Variants in ZFYVE9 observed in about 807,000 individuals in gnomAD.
ZFYVE9 encodes zinc finger FYVE domain-containing protein 9.
ZFYVE9 carries 43 observed loss-of-function variants against 126.7 expected under a neutral mutation model. The observed-to-expected ratio is 0.34, with a 90% confidence interval of 0.27 to 0.44. The LOEUF (loss-of-function observed/expected upper bound fraction) is 0.44, where lower values mean the gene tolerates loss of function less well. Among genes scored for constraint, ZFYVE9 ranks in the 20% least tolerant of loss-of-function variants. ZFYVE9 has a pLI of 1.00. For missense variants in ZFYVE9, 1,476 were observed against 1,697.0 expected, an observed-to-expected ratio of 0.87 and a Z score of 2.29; for synonymous variants, 521 against 597.4, an observed-to-expected ratio of 0.87 and a Z score of 1.87.
chr1:52,216,061 T>A (rs556812183), intron 1 of ZFYVE9, among the ~76,000 whole-genome samples: 29 of 152,256 alleles, frequency 1.9e-4, no homozygotes, highest in Admixed American at 1.1e-3. Context: ...TATATACTTA[T>A]GAATTAACAC....
At chr1:52,287,800 G>A (rs1645877268) in intron 10 of ZFYVE9, among the ~76,000 whole-genome samples, 1 of 151,962 alleles carries the variant, frequency 6.6e-6, no homozygotes, top group Non-Finnish European at 1.5e-5. Context: ...AGGAGTTTTT[G>A]AGGCCGTAGT....
At chr1:52,317,421 G>A (rs920638827) in intron 13 of ZFYVE9, among the ~76,000 whole-genome samples, 5 of 151,818 alleles carry the variant, frequency 3.3e-5, no homozygotes, top group Non-Finnish European at 5.9e-5. Flanking sequence ...GGTGGAGGTT[G>A]CGGTAACTCG....
chr1:52,214,230 C>T (rs1216184262), intron 1 of ZFYVE9, among the ~76,000 whole-genome samples: 1 of 152,048 alleles, frequency 6.6e-6, no homozygotes, highest in Admixed American at 6.6e-5. Context: ...AGTTTGAGAC[C>T]AGCCTGGGTA....
intron 4 of ZFYVE9, among the ~76,000 whole-genome samples, chr1:52,257,760 G>T (rs1453127940): frequency 1.3e-5 from 2 of 152,154 alleles, no homozygotes; most frequent in Non-Finnish European, 2.9e-5. Context: ...TTGAGACGGG[G>T]TTTCGCTCTT....
chr1:52,243,396 A>G (rs1362115212), intron 4 of ZFYVE9, among the ~76,000 whole-genome samples: 1 of 152,244 alleles, frequency 6.6e-6, no homozygotes, highest in Non-Finnish European at 1.5e-5. Flanking sequence ...TGACACATCA[A>G]GGTTGACACA....
intron 2 of ZFYVE9, among the ~76,000 whole-genome samples, chr1:52,218,945 A>T (rs1645097685): frequency 6.6e-6 from 1 of 152,130 alleles, no homozygotes; most frequent in African/African-American, 2.4e-5. Flanking sequence ...GGATAGGAAT[A>T]GAGAGAAGTA....
intron 1 of ZFYVE9, among the ~76,000 whole-genome samples, chr1:52,183,786 G>A (rs1399155623): frequency 6.6e-6 from 1 of 152,074 alleles, no homozygotes. Flanking sequence ...GATTACTGGC[G>A]TGAGCCACCG....
intron 13 of ZFYVE9, among the ~76,000 whole-genome samples, chr1:52,325,477 G>A (rs1000682487): frequency 4.6e-5 from 7 of 152,118 alleles, no homozygotes; most frequent in Non-Finnish European, 1.5e-5. Context: ...CAGTGATCAT[G>A]CCACTGCACC....
chr1:52,188,112 G>A (rs532987820), intron 1 of ZFYVE9, among the ~76,000 whole-genome samples: 1 of 152,228 alleles, frequency 6.6e-6, no homozygotes, highest in Non-Finnish European at 1.5e-5. Context: ...TAAAGGAAAT[G>A]AGGTACATAT....
chr1:52,207,865 T>G (rs960733965), intron 1 of ZFYVE9, among the ~76,000 whole-genome samples: 8 of 152,252 alleles, frequency 5.3e-5, no homozygotes, highest in Non-Finnish European at 7.3e-5. Context: ...TAATAATAGC[T>G]ATCATTTATT....
At chr1:52,253,552 G>A in intron 4 of ZFYVE9, 1 of 747,882 alleles carries the variant, frequency 1.3e-6, no homozygotes, top group South Asian at 1.6e-5. Context: ...GAAGCCGAGT[G>A]GGAGTGGCAC....
In ZFYVE9 at chr1:52,168,693, T is replaced by C. The variant is rs186427767; in HGVS notation, c.-143+26290T>C. ...ACCATGCCTGGCTAATTTTTTACTA[T>C]TTTGTAGAGACAAGGTCTTCCTATG... On this transcript the variant is annotated intron_variant, in intron 1 of 18. Transcript: ENST00000287727. Among the ~76,000 whole-genome samples, 186 of 152,042 alleles carry C rather than the reference T, an allele frequency of 1.2e-3. No homozygotes were observed. In the South Asian group the frequency reaches 0.015, roughly 12 times the overall value.
intron 13 of ZFYVE9, among the ~76,000 whole-genome samples, chr1:52,313,602 A>C (rs1278381925): frequency 6.6e-6 from 1 of 152,248 alleles, no homozygotes; most frequent in Non-Finnish European, 1.5e-5. Context: ...CAGGGCCAGG[A>C]ATAGTTTGTA....
chr1:52,343,992 A>T, intron 17 of ZFYVE9, among the ~76,000 whole-genome samples: 1 of 151,894 alleles, frequency 6.6e-6, no homozygotes, highest in Non-Finnish European at 1.5e-5. Flanking sequence ...GAATCACTTG[A>T]ACCTAAGAGG....
intron 1 of ZFYVE9, among the ~76,000 whole-genome samples, chr1:52,147,264 A>G (rs1024990604): frequency 9.2e-5 from 14 of 152,206 alleles, no homozygotes; most frequent in African/African-American, 3.4e-4. Flanking sequence ...ATTATGGTAA[A>G]TAGCCCATTT....
intron 13 of ZFYVE9, among the ~76,000 whole-genome samples, chr1:52,306,482 C>T: frequency 6.6e-6 from 1 of 152,242 alleles, no homozygotes; most frequent in East Asian, 1.9e-4. Context: ...TTTGCTCACC[C>T]TCCACTTGTC....
At chr1:52,294,759 A>G (rs530662786) in intron 11 of ZFYVE9, among the ~76,000 whole-genome samples, 1 of 152,360 alleles carries the variant, frequency 6.6e-6, no homozygotes, top group East Asian at 1.9e-4. Flanking sequence ...TGAATCAGCT[A>G]AATGAATCAG....
intron 1 of ZFYVE9, among the ~76,000 whole-genome samples, chr1:52,197,793 G>A (rs571968261): frequency 6.6e-6 from 1 of 152,354 alleles, no homozygotes; most frequent in South Asian, 2.1e-4. Flanking sequence ...GGGGAAGCCA[G>A]AGAAGAGTGA....
chr1:52,236,409 A>G (rs186475231), intron 3 of ZFYVE9, among the ~76,000 whole-genome samples: 13 of 152,302 alleles, frequency 8.5e-5, no homozygotes, highest in Admixed American at 8.5e-4. Flanking sequence ...TGCTGTGGAC[A>G]CATTGAAGAT....
Sources: allele counts gnomAD v4.1 joint callset (sites outside exome capture counted in the v4.1 genomes callset), GRCh38; gene constraint gnomAD v4.1.1; transcripts MANE v1.5; gene names NCBI Gene and HGNC (gene_info 2026-07-23, HGNC 2026-07-21).